The following NCOA2 variants were observed in gnomAD, a reference collection of about 807,000 sequenced individuals.
NCOA2 encodes the protein class E basic helix-loop-helix protein 75.
Under a neutral mutation model 145.1 loss-of-function variants are expected in NCOA2, and 21 were observed. The ratio of observed to expected loss-of-function variants is 0.14; its 90% CI spans 0.10 to 0.21. The LOEUF (loss-of-function observed/expected upper bound fraction) is 0.21, where lower values mean the gene tolerates loss of function less well. NCOA2 is among the 10% of genes least tolerant of loss of function. The probability of loss-of-function intolerance (pLI) is 1.00; values close to 1 mark genes in which losing one functional copy is unlikely to be tolerated. For synonymous variants in NCOA2, 619 were observed against 637.5 expected (o/e 0.97, Z 0.44); for missense variants, 1,472 against 1,837.6 (o/e 0.80, Z 3.64).
At chr8:70,256,865 T>C (rs1186623523) in intron 2 of NCOA2, among the ~76,000 whole-genome samples, 2 of 152,212 alleles carry the variant, frequency 1.3e-5, no homozygotes, top group African/African-American at 2.4e-5. Flanking sequence ...TACTGTCTCA[T>C]TGGTTCCTCC....
At chr8:70,449,969 T>G in the NCOA2 span, among the ~76,000 whole-genome samples, 1 of 152,276 alleles carries the variant, frequency 6.6e-6, no homozygotes, top group African/African-American at 2.4e-5. Flanking sequence ...ATGGCTGCTG[T>G]GTTCTTCAAA....
intron 4 of NCOA2, among the ~76,000 whole-genome samples, chr8:70,189,529 ACT>A (rs1238793818): frequency 3.3e-5 from 5 of 152,212 alleles, no homozygotes; most frequent in Non-Finnish European, 7.3e-5. Flanking sequence ...TGGAGAAAAC[ACT>A]GTTTCCCTCA....
chr8:70,142,910 T>C (rs968920656), intron 13 of NCOA2, among the ~76,000 whole-genome samples: 19 of 151,866 alleles, frequency 1.3e-4, no homozygotes, highest in Non-Finnish European at 2.6e-4. Flanking sequence ...ATTACTGCAA[T>C]GATAAATGGG....
chr8:70,117,802 A>T (rs1050266305), intron 22 of NCOA2, among the ~76,000 whole-genome samples: 9 of 152,370 alleles, frequency 5.9e-5, no homozygotes, highest in South Asian at 2.1e-4. Context: ...GGTGTGGTTT[A>T]AATGAGGGAA....
chr8:70,317,125 A>G (rs1805645739), intron 1 of NCOA2, among the ~76,000 whole-genome samples: 1 of 152,230 alleles, frequency 6.6e-6, no homozygotes, highest in South Asian at 2.1e-4. Context: ...CGCGGTTGCA[A>G]TGAGTGGCTA....
intron 1 of NCOA2, among the ~76,000 whole-genome samples, chr8:70,322,896 G>A (rs1806205818): frequency 6.6e-6 from 1 of 152,174 alleles, no homozygotes; most frequent in Admixed American, 6.5e-5. Flanking sequence ...CAAAGAATTT[G>A]TTATCAAGAT....
At chr8:70,157,415 G>A (rs1350948882) in intron 10 of NCOA2, among the ~76,000 whole-genome samples, 175 bp from the exon 11 acceptor site, 1 of 152,216 alleles carries the variant, frequency 6.6e-6, no homozygotes, top group African/African-American at 2.4e-5. Context: ...AACATGTACA[G>A]TGTTGGACCA....
chr8:70,369,459 G>A (rs942963363), intron 1 of NCOA2, among the ~76,000 whole-genome samples: 1 of 152,118 alleles, frequency 6.6e-6, no homozygotes, highest in Non-Finnish European at 1.5e-5. Context: ...CATCATAATA[G>A]AACAGAGAAA....
At chr8:70,202,547 G>T (rs1294012642) in intron 4 of NCOA2, among the ~76,000 whole-genome samples, 9 of 152,144 alleles carry the variant, frequency 5.9e-5, no homozygotes, top group Admixed American at 5.2e-4. Context: ...GCCACAAAAT[G>T]GATGAACCTT....
At chr8:70,288,075 T>C (rs1432141239) in intron 2 of NCOA2, among the ~76,000 whole-genome samples, 1 of 152,130 alleles carries the variant, frequency 6.6e-6, no homozygotes, top group Non-Finnish European at 1.5e-5. Context: ...CTCAGTGCCT[T>C]TGTCTACCCG....
intron 2 of NCOA2, among the ~76,000 whole-genome samples, chr8:70,225,586 A>G (rs2134113124): frequency 6.6e-6 from 1 of 151,958 alleles, no homozygotes; most frequent in African/African-American, 2.4e-5. Flanking sequence ...AAAGAAAAGA[A>G]AAAGAAAAAG....
At chr8:70,368,430 T>C (rs1810910749) in intron 1 of NCOA2, among the ~76,000 whole-genome samples, 1 of 152,080 alleles carries the variant, frequency 6.6e-6, no homozygotes, top group Non-Finnish European at 1.5e-5. Context: ...AGGGGAGTAA[T>C]GGATGGATTA....
At chr8:70,207,979 T>C (rs1398950690) in intron 4 of NCOA2, among the ~76,000 whole-genome samples, 1 of 151,578 alleles carries the variant, frequency 6.6e-6, no homozygotes, top group Admixed American at 6.6e-5. Context: ...CAGCTGGACG[T>C]GGTGACTCAT....
chr8:70,182,400 A>G (rs930091638), intron 4 of NCOA2, among the ~76,000 whole-genome samples: 1 of 152,204 alleles, frequency 6.6e-6, no homozygotes, highest in Non-Finnish European at 1.5e-5. Flanking sequence ...CATTTTCATC[A>G]ATGGTATAAG....
At chr8:70,176,542 T>C (rs1017724387) in intron 4 of NCOA2, among the ~76,000 whole-genome samples, 4 of 152,142 alleles carry the variant, frequency 2.6e-5, no homozygotes, top group Non-Finnish European at 5.9e-5. Flanking sequence ...AGCCACAGGA[T>C]TGGCTTGGCC....
chr8:70,116,681 G>A (rs574870452), intron 22 of NCOA2, among the ~76,000 whole-genome samples: 7 of 152,274 alleles, frequency 4.6e-5, no homozygotes, highest in East Asian at 1.9e-4. Context: ...AGTAACTTCC[G>A]GTTATTTCTG....
chr8:70,373,648 A>G (rs1196453621), intron 1 of NCOA2, among the ~76,000 whole-genome samples: 7 of 152,154 alleles, frequency 4.6e-5, no homozygotes, highest in Non-Finnish European at 1.5e-5. Context: ...TGCTAAGTTT[A>G]CTTTTAAAAC....
At chr8:70,440,008 A>G in the NCOA2 span, among the ~76,000 whole-genome samples, 7 of 152,230 alleles carry the variant, frequency 4.6e-5, no homozygotes, top group African/African-American at 1.4e-4. Flanking sequence ...TGAGAGACCC[A>G]TTGGTAGCAC....
intron 1 of NCOA2, among the ~76,000 whole-genome samples, chr8:70,310,641 T>C (rs1038167105): frequency 1.3e-5 from 2 of 152,170 alleles, no homozygotes; most frequent in East Asian, 1.9e-4. Flanking sequence ...TATTTTACTA[T>C]AGTCAAGATT....
Sources: allele counts gnomAD v4.1 joint callset (sites outside exome capture counted in the v4.1 genomes callset), GRCh38; gene constraint gnomAD v4.1.1; transcripts MANE v1.5; gene names NCBI Gene and HGNC (gene_info 2026-07-23, HGNC 2026-07-21).